The following ATP2C2 variants were observed in gnomAD, a reference collection of about 807,000 sequenced individuals.
ATP2C2 encodes calcium-transporting ATPase type 2C member 2.
In ATP2C2, 171 loss-of-function variants were observed where a neutral mutation model predicts 110.8. The ratio of observed to expected loss-of-function variants is 1.54; its 90% CI spans 1.36 to 1.75. The LOEUF (loss-of-function observed/expected upper bound fraction) is 1.75, where lower values mean the gene tolerates loss of function less well. Ranked by LOEUF, ATP2C2 falls within the 40% of genes most tolerant of loss-of-function variation. The pLI, the probability that ATP2C2 is intolerant of heterozygous loss-of-function variation, is 0.00. For synonymous variants in ATP2C2, 804 were observed against 508.4 expected (o/e 1.58, Z -7.82); for missense variants, 1,963 against 1,235.0 (o/e 1.59, Z -8.84).
rs377216368 is a variant in ATP2C2 at position 84,398,553 on chromosome 16, C to T, written c.154C>T (p.Leu52=). The change falls in exon 2 of 27, where the codon CTG becomes TTG. Residue 52 remains leucine, a synonymous_variant. Transcript: ENST00000262429. ...CGAGAAAGAGAAGAAGGTGACAGCC[C>T]TGCCCCCCAAGGAAGCGTGCAAATG... The part of the protein sequence containing the change: ...AIEKEKKVTA[L]PPKEACKCQK... 2.5e-4 allele frequency: 407 copies of T among 1,613,282 alleles called. 1 individual carries two copies. The highest frequency in any genetic ancestry group is 3.2e-4 in the Non-Finnish European group (380 of 1,179,720).
intron 11 of ATP2C2, among the ~76,000 whole-genome samples, chr16:84,427,550 C>G (rs1274722201): frequency 6.6e-6 from 1 of 152,110 alleles, no homozygotes; most frequent in African/African-American, 2.4e-5. Flanking sequence ...AACCCTGTCT[C>G]TACTAAAAAT....
rs561316390 is a variant in ATP2C2 at position 84,447,350 on chromosome 16, G to A, written c.1503+920G>A. Reference sequence around the variant, plus strand: ...TAAATCTTTTCCCTTGCAAGGCAATGGTAATATATTCTCATTGAAAAAGTA... The same window carrying A: ...TAAATCTTTTCCCTTGCAAGGCAATAGTAATATATTCTCATTGAAAAAGTA... On this transcript the variant is annotated intron_variant, in intron 16 of 26. Coordinates refer to ENST00000262429, the MANE Select transcript of ATP2C2 (RefSeq NM_014861.4). 2.0e-5 allele frequency among the ~76,000 whole-genome samples: 3 copies of A among 152,038 alleles called. No individual in the cohort carries two copies. In the East Asian group the frequency reaches 5.8e-4, roughly 29 times the overall value.
intron 24 of ATP2C2, chr16:84,461,332 C>T: frequency 3.1e-6 from 1 of 320,834 alleles, no homozygotes. Context: ...GGGTACCCTG[C>T]CTCCATTTTC....
At chr16:84,397,619 A>C (rs1905065732) in intron 1 of ATP2C2, among the ~76,000 whole-genome samples, 1 of 137,510 alleles carries the variant, frequency 7.3e-6, no homozygotes, top group African/African-American at 2.7e-5. Context: ...GGCTGCAGTG[A>C]GCTATGATTG....
intron 17 of ATP2C2, among the ~76,000 whole-genome samples, chr16:84,451,709 A>T (rs1407208858): frequency 6.6e-6 from 1 of 152,166 alleles, no homozygotes; most frequent in Non-Finnish European, 1.5e-5. Flanking sequence ...CTGGAGGCGC[A>T]TGCCCGTAAT....
intron 1 of ATP2C2, among the ~76,000 whole-genome samples, chr16:84,390,390 C>CA (rs775649212): frequency 2.0e-5 from 3 of 152,230 alleles, no homozygotes; most frequent in Non-Finnish European, 4.4e-5. Flanking sequence ...GGTTAAACGT[C>CA]AGTCCTGAGC....
In ATP2C2 at chr16:84,452,227, C is replaced by G. The variant is rs1910353005; in HGVS notation, c.1831+136C>G. ...TAGCCCTACAGGCTTAGAAAAGACG[C>G]TGAGTATTCGTGTGCCAGCATTCCA... On this transcript the variant is annotated intron_variant, in intron 18 of 26. Coordinates refer to ENST00000262429, the MANE Select transcript of ATP2C2 (RefSeq NM_014861.4). 22 of 1,099,336 alleles carry G rather than the reference C, an allele frequency of 2.0e-5. No individual in the cohort carries two copies. The South Asian group carries it at 3.3e-4, about 16-fold the overall frequency. The allele number at this position is 1,099,336 out of a possible 1,614,324, so 68.1% of individuals were successfully genotyped here.
chr16:84,408,074 C>T (rs572163771), intron 3 of ATP2C2, among the ~76,000 whole-genome samples: 8 of 152,284 alleles, frequency 5.3e-5, no homozygotes, highest in South Asian at 2.1e-4. Flanking sequence ...GATCCTTGGC[C>T]GTCCTGAGCC....
intron 11 of ATP2C2, among the ~76,000 whole-genome samples, chr16:84,426,355 C>G (rs914654963): frequency 1.3e-5 from 2 of 152,172 alleles, no homozygotes; most frequent in African/African-American, 4.8e-5. Context: ...TCCACCCCAT[C>G]GTCCAATCTC....
intron 17 of ATP2C2, among the ~76,000 whole-genome samples, 191 bp from the exon 18 acceptor site, chr16:84,451,730 C>G (rs1157431442): frequency 6.6e-6 from 1 of 152,130 alleles, no homozygotes; most frequent in African/African-American, 2.4e-5. Context: ...CCCAGCTACT[C>G]AAGAGGCTGA....
chr16:84,429,888 G>C (rs1357450623), intron 11 of ATP2C2, among the ~76,000 whole-genome samples: 2 of 152,150 alleles, frequency 1.3e-5, no homozygotes, highest in African/African-American at 4.8e-5. Flanking sequence ...GGAGCATGCT[G>C]TTCTTGAAGA....
In ATP2C2 at chr16:84,417,446, G is replaced by T. The variant is rs190445017; in HGVS notation, c.624+1855G>T. Among the ~76,000 whole-genome samples the T allele has an allele frequency of 2.6e-5, 4 of 152,336 alleles. No homozygotes were observed. The East Asian group carries it at 5.8e-4, about 22-fold the overall frequency. On this transcript the variant is annotated intron_variant, in intron 7 of 26. Coordinates refer to ENST00000262429, the MANE Select transcript of ATP2C2 (RefSeq NM_014861.4). Reference sequence around the variant, plus strand: ...ATGACCCATGCTGTGCTTAGCACATGCCTTTTGTGGGGTAAACAGTCACCA... The same window carrying T: ...ATGACCCATGCTGTGCTTAGCACATTCCTTTTGTGGGGTAAACAGTCACCA...
rs775153515 is a variant in ATP2C2 at position 84,448,499 on chromosome 16, T to C, written c.1504-34T>C. 1.9e-6 allele frequency: 3 copies of C among 1,587,968 alleles called. No individual in the cohort carries two copies. The Admixed American group carries it at 5.1e-5, about 27-fold the overall frequency. On this transcript the variant is annotated intron_variant, in intron 16 of 26. Coordinates refer to ENST00000262429, the MANE Select transcript of ATP2C2 (RefSeq NM_014861.4). ...GGTCAGTATGAACCAAGGCTTCCAGTGATAGTGGATTTCTTCCCTTTGTCT... is the reference window on the plus strand; with the variant it reads ...GGTCAGTATGAACCAAGGCTTCCAGCGATAGTGGATTTCTTCCCTTTGTCT...
intron 1 of ATP2C2, among the ~76,000 whole-genome samples, chr16:84,398,040 C>T (rs965210785): frequency 6.6e-6 from 1 of 151,728 alleles, no homozygotes; most frequent in African/African-American, 2.4e-5. Context: ...AATTTGGGGG[C>T]TGGTTATAAG....
intron 10 of ATP2C2, 75 bp downstream of exon 10, chr16:84,423,338 G>A (rs770168440): frequency 1.9e-5 from 26 of 1,389,888 alleles, no homozygotes; most frequent in African/African-American, 1.9e-4. Flanking sequence ...TGCCATGGCC[G>A]TTTCTCAAAT....
At chr16:84,434,930 T>C (rs1908606516) in intron 11 of ATP2C2, among the ~76,000 whole-genome samples, 1 of 152,210 alleles carries the variant, frequency 6.6e-6, no homozygotes, top group Non-Finnish European at 1.5e-5. Flanking sequence ...GTCGTAACCC[T>C]CCACAAATGT....
intron 2 of ATP2C2, among the ~76,000 whole-genome samples, chr16:84,399,286 G>C (rs1367527348): frequency 6.6e-6 from 1 of 152,324 alleles, no homozygotes; most frequent in East Asian, 1.9e-4. Context: ...ACTCAAGTCT[G>C]TTTCAATTCA....
At chr16:84,439,620 G>T in intron 13 of ATP2C2, 96 bp downstream of exon 13, 2 of 1,199,654 alleles carry the variant, frequency 1.7e-6, no homozygotes, top group African/African-American at 3.0e-5. Context: ...AACACAATAA[G>T]GAAGAAATAA....
intron 21 of ATP2C2, among the ~76,000 whole-genome samples, chr16:84,455,247 G>T (rs947600610): frequency 6.6e-6 from 1 of 152,118 alleles, no homozygotes; most frequent in Non-Finnish European, 1.5e-5. Flanking sequence ...GCAGAGATGG[G>T]ATTTGCTGCC....
Sources: gnomAD v4.1 joint callset for allele counts (sites outside exome capture counted in the v4.1 genomes callset) on GRCh38, gnomAD v4.1.1 for gene constraint, MANE v1.5 for transcripts, NCBI Gene and HGNC (gene_info 2026-07-23, HGNC 2026-07-21) for gene names.